The following WASF3 variants were observed in gnomAD, a reference collection of about 807,000 sequenced individuals.
WASF3 encodes actin-binding protein WASF3.
In WASF3, 11 loss-of-function variants were observed where a neutral mutation model predicts 46.6. That is an observed-to-expected ratio of 0.24 (90% CI 0.15 to 0.39). The LOEUF is 0.39. Among genes scored for constraint, WASF3 ranks in the 10% least tolerant of loss-of-function variants. The probability of loss-of-function intolerance (pLI) is 1.00; values close to 1 mark genes in which losing one functional copy is unlikely to be tolerated. For missense variants in WASF3, 576 were observed against 669.8 expected (o/e 0.86, Z 1.55); for synonymous variants, 242 against 259.7 (o/e 0.93, Z 0.65).
rs150301533 is a variant in WASF3 at position 26,614,707 on chromosome 13, G to T, written c.-11+1649G>T. On this transcript the variant is annotated intron_variant, in intron 2 of 9. Coordinates refer to ENST00000335327, the MANE Select transcript of WASF3 (RefSeq NM_006646.6). Reference sequence around the variant, plus strand: ...CAGGCAAGCATTTATTTTTTAACACGGATACTGTCTAGTATTTGTGTTCCA... The same window carrying T: ...CAGGCAAGCATTTATTTTTTAACACTGATACTGTCTAGTATTTGTGTTCCA... 1.1e-3 allele frequency among the ~76,000 whole-genome samples: 172 copies of T among 152,136 alleles called. 1 individual carries two copies. Among genetic ancestry groups the T allele is most frequent in the African/African-American group, 4.0e-3 (166 of 41,504 alleles).
At chr13:26,624,433 A>T (rs576097947) in intron 2 of WASF3, among the ~76,000 whole-genome samples, 143 of 152,278 alleles carry the variant, frequency 9.4e-4, no homozygotes, top group Middle Eastern at 3.4e-3. Flanking sequence ...AAGGGGAGGG[A>T]TGACAAAACC....
chr13:26,592,913 C>A (rs7333128), intron 1 of WASF3, among the ~76,000 whole-genome samples: 5,428 of 152,192 alleles, frequency 0.036, 336 homozygotes, highest in African/African-American at 0.12. Context: ...TGATACACAA[C>A]TTGTGGCAAT....
intron 1 of WASF3, among the ~76,000 whole-genome samples, chr13:26,600,899 A>G (rs970395409): frequency 4.6e-5 from 7 of 152,140 alleles, no homozygotes; most frequent in Non-Finnish European, 1.0e-4. Context: ...AATGTGGTAT[A>G]TAGTCAGGGT....
At chr13:26,626,909 A>G (rs1177040098) in intron 2 of WASF3, among the ~76,000 whole-genome samples, 1 of 152,192 alleles carries the variant, frequency 6.6e-6, no homozygotes, top group African/African-American at 2.4e-5. Context: ...CAAATACACA[A>G]TTATTGTTGA....
rs764090846 is a variant in WASF3, at chr13:26,685,807, G to A, written c.1471G>A (p.Asp491Asn). The part of the protein sequence containing the change: ...RIAVEYSDSD[D>N]DSEFDENDWS... ...TGCCGTGGAGTACAGCGACTCTGAC[G>A]ACGACTCAGAGTTCGACGAGAACGA... is the stretch of plus-strand genomic sequence containing the variant. The change falls in exon 10 of 10, where the codon GAC becomes AAC. Residue 491 changes from aspartate to asparagine, a missense_variant. Asp to Asn is a conservative substitution (Grantham distance 23). Transcript: ENST00000335327. 51 of 1,613,922 alleles carry A rather than the reference G, an allele frequency of 3.2e-5. No homozygotes were observed. The highest frequency in any genetic ancestry group is 4.5e-5 in the East Asian group (2 of 44,886).
chr13:26,687,723 C>CTCTTTTT lies in WASF3; in HGVS notation c.*1879_*1880insCTTTTTT, dbSNP rs1555257029. 3 of 139,074 alleles carry CTCTTTTT rather than the reference C, an allele frequency of 2.2e-5. No individual in the cohort carries two copies. Among genetic ancestry groups the CTCTTTTT allele is most frequent in the East Asian group, 2.1e-4 (1 of 4,848 alleles). The allele number at this position is 139,074 out of a possible 1,614,324, so 8.6% of individuals were successfully genotyped here. ...AAATTTCTAATTTCTCTCTCTCTCT[C>CTCTTTTT]TTTTTTTTTTTTTTGTTGTTGTTAA... On this transcript the variant is annotated 3_prime_UTR_variant, in exon 10 of 10. Coordinates refer to ENST00000335327, the MANE Select transcript of WASF3 (RefSeq NM_006646.6).
intron 2 of WASF3, chr13:26,638,543 G>A (rs1350984795): frequency 6.6e-6 from 1 of 152,174 alleles, no homozygotes; most frequent in Non-Finnish European, 1.5e-5. Context: ...GGAATCAAGA[G>A]GCGTACTTAA....
intron 3 of WASF3, among the ~76,000 whole-genome samples, chr13:26,655,160 C>CT (rs1882430608): frequency 6.6e-6 from 1 of 152,164 alleles, no homozygotes; most frequent in Non-Finnish European, 1.5e-5. Flanking sequence ...AAAATGATCT[C>CT]TTTTTTGTCT....
intron 5 of WASF3, among the ~76,000 whole-genome samples, chr13:26,671,475 A>G (rs575246419): frequency 2.0e-5 from 3 of 152,346 alleles, no homozygotes; most frequent in South Asian, 2.1e-4. Flanking sequence ...TTGAAGCTCC[A>G]GTGTAGAAGT....
rs373155021 is a variant in WASF3, at chr13:26,631,288, A to C, written c.-10-10973A>C. On this transcript the variant is annotated intron_variant, in intron 2 of 9. Transcript: ENST00000335327. Reference sequence around the variant, plus strand: ...TGGTATTGCCTAGGTTTTCTTCTAGAGTTTTTATGGTTTTAGGTCTAACAT... The same window carrying C: ...TGGTATTGCCTAGGTTTTCTTCTAGCGTTTTTATGGTTTTAGGTCTAACAT... 3.3e-5 allele frequency among the ~76,000 whole-genome samples: 5 copies of C among 152,040 alleles called. No homozygotes were observed. The East Asian group carries it at 5.8e-4, about 18-fold the overall frequency.
chr13:26,664,528 C>T (rs1025392162), intron 3 of WASF3, among the ~76,000 whole-genome samples: 7 of 152,248 alleles, frequency 4.6e-5, no homozygotes, highest in East Asian at 1.9e-4. Context: ...CCTGAGTCAG[C>T]GCTATATACC....
chr13:26,567,694 A>G (rs1182226790), intron 1 of WASF3, among the ~76,000 whole-genome samples: 2 of 118,684 alleles, frequency 1.7e-5, no homozygotes, highest in African/African-American at 7.2e-5. Context: ...CTAATAAACG[A>G]CATTAAAAAA....
chr13:26,656,604 T>A (rs1291895731), intron 3 of WASF3, among the ~76,000 whole-genome samples: 3 of 151,758 alleles, frequency 2.0e-5, no homozygotes, highest in Non-Finnish European at 4.4e-5. Context: ...ACCTTCCCAA[T>A]ACTAAGAAAT....
intron 1 of WASF3, among the ~76,000 whole-genome samples, chr13:26,573,344 G>A (rs1045192697): frequency 2.6e-5 from 4 of 151,928 alleles, no homozygotes; most frequent in Admixed American, 6.6e-5. Context: ...GATAAACTTA[G>A]ATTGTGCTTT....
At chr13:26,664,769 C>T (rs985799961) in intron 3 of WASF3, among the ~76,000 whole-genome samples, 1 of 152,182 alleles carries the variant, frequency 6.6e-6, no homozygotes, top group African/African-American at 2.4e-5. Context: ...GCAACTTGAG[C>T]GATAGCTCAT....
At chr13:26,542,061 C>T in the WASF3 span, among the ~76,000 whole-genome samples, 2 of 152,292 alleles carry the variant, frequency 1.3e-5, no homozygotes, top group Non-Finnish European at 2.9e-5. Context: ...TTGAACATGA[C>T]CCATTTGCCT....
At chr13:26,572,994 A>G (rs756501826) in intron 1 of WASF3, among the ~76,000 whole-genome samples, 5 of 152,200 alleles carry the variant, frequency 3.3e-5, no homozygotes, top group Admixed American at 6.5e-5. Flanking sequence ...ATTACACTTG[A>G]TTTATAAAAA....
intron 1 of WASF3, among the ~76,000 whole-genome samples, chr13:26,565,291 A>T (rs1376842945): frequency 6.6e-6 from 1 of 152,112 alleles, no homozygotes; most frequent in African/African-American, 2.4e-5. Context: ...GGGTGCCATT[A>T]ACCAGAAAGA....
At chr13:26,586,261 A>T (rs1223863329) in intron 1 of WASF3, among the ~76,000 whole-genome samples, 1 of 143,084 alleles carries the variant, frequency 7.0e-6, no homozygotes, top group Non-Finnish European at 1.6e-5. Flanking sequence ...TTCGCTCTTT[A>T]TTGGTTTTAT....
Sources: gnomAD v4.1 joint callset for allele counts (sites outside exome capture counted in the v4.1 genomes callset) on GRCh38, gnomAD v4.1.1 for gene constraint, MANE v1.5 for transcripts, NCBI Gene and HGNC (gene_info 2026-07-23, HGNC 2026-07-21) for gene names.